The following PCDHGA9 variants were observed in gnomAD, a reference collection of about 807,000 sequenced individuals.
The protein encoded by PCDHGA9 is protocadherin gamma-A9.
A neutral mutation model predicts 62.5 loss-of-function variants in PCDHGA9; 37 were observed. The ratio of observed to expected loss-of-function variants is 0.59; its 90% confidence interval spans 0.46 to 0.78. The LOEUF (loss-of-function observed/expected upper bound fraction) is 0.78. Among genes scored for constraint, PCDHGA9 ranks in the 30% least tolerant of loss-of-function variants. The pLI, the probability that PCDHGA9 is intolerant of heterozygous loss-of-function variation, is 0.00. For missense variants in PCDHGA9, 1,138 were observed against 1,166.2 expected (o/e 0.98, Z 0.35); for synonymous variants, 459 against 484.6 (o/e 0.95, Z 0.69).
chr5:141,408,131 G>C, intron 1 of PCDHGA9: 1 of 1,482,338 alleles, frequency 6.7e-7, no homozygotes, highest in South Asian at 1.4e-5. Flanking sequence ...TGGGCCGAAT[G>C]CTCTTTTAGC....
chr5:141,494,048 G>C (rs764072099), intron 1 of PCDHGA9, among the ~76,000 whole-genome samples: 3 of 152,148 alleles, frequency 2.0e-5, no homozygotes, highest in Non-Finnish European at 2.9e-5. Flanking sequence ...GGCCCTGCTT[G>C]GAGGCTGTGG....
chr5:141,410,251 C>T, intron 1 of PCDHGA9: 1 of 1,614,016 alleles, frequency 6.2e-7, no homozygotes, highest in Non-Finnish European at 8.5e-7. Flanking sequence ...TACTCTCTGA[C>T]CCCCAGGCTG....
intron 1 of PCDHGA9, chr5:141,414,883 G>T: frequency 6.2e-7 from 1 of 1,614,176 alleles, no homozygotes; most frequent in Non-Finnish European, 8.5e-7. Context: ...CCTGTACCCC[G>T]CCCTCCCCAC....
intron 1 of PCDHGA9, among the ~76,000 whole-genome samples, chr5:141,457,938 G>A (rs915640623): frequency 6.6e-6 from 1 of 152,160 alleles, no homozygotes; most frequent in African/African-American, 2.4e-5. Flanking sequence ...GCTTTTATTG[G>A]CTCTGCATGT....
chr5:141,473,117 C>A (rs976493841), intron 1 of PCDHGA9, among the ~76,000 whole-genome samples: 4 of 152,140 alleles, frequency 2.6e-5, no homozygotes, highest in Admixed American at 1.3e-4. Flanking sequence ...CTTTACTTGG[C>A]TCTTTGGCAA....
chr5:141,505,520 C>T, intron 3 of PCDHGA9, 39 bp downstream of exon 3: 1 of 1,612,650 alleles, frequency 6.2e-7, no homozygotes, highest in Non-Finnish European at 8.5e-7. Flanking sequence ...AGTGGGAGAC[C>T]TGGGGTTCTG....
chr5:141,482,546 A>G (rs1489817593), intron 1 of PCDHGA9, among the ~76,000 whole-genome samples: 1 of 151,868 alleles, frequency 6.6e-6, no homozygotes, highest in Non-Finnish European at 1.5e-5. Context: ...AAAAAAAAAA[A>G]AAAGATAATG....
intron 1 of PCDHGA9, chr5:141,421,914 T>C: frequency 4.3e-6 from 7 of 1,613,742 alleles, no homozygotes; most frequent in Non-Finnish European, 5.9e-6. Flanking sequence ...CAGTTCCCAT[T>C]CGTGTGGTGG....
At position 141,486,671 on chromosome 5, in the gene PCDHGA9, C is replaced by G. The variant is rs1307620045; in HGVS notation, c.2425-8136C>G. 24 of 1,613,926 alleles carry G rather than the reference C, an allele frequency of 1.5e-5. No homozygotes were observed. The highest frequency in any genetic ancestry group is 2.7e-5 in the African/African-American group (2 of 74,932). Reference sequence around the variant, plus strand: ...CTACTCACTCCTGGAGCCCAGGAATCGAGATGTATCAGCTTCCTCTTTCAT... The same window carrying G: ...CTACTCACTCCTGGAGCCCAGGAATGGAGATGTATCAGCTTCCTCTTTCAT... On this transcript the variant is annotated intron_variant, in intron 1 of 3. Transcript: ENST00000573521. The surrounding 1 kb of genome is among the most constrained non-coding windows in gnomAD (Gnocchi z 5.0).
At chr5:141,454,311 T>C (rs755771201) in intron 1 of PCDHGA9, among the ~76,000 whole-genome samples, 1 of 152,216 alleles carries the variant, frequency 6.6e-6, no homozygotes, top group Non-Finnish European at 1.5e-5. Context: ...TTTCAAAGCA[T>C]TGAAACCTCC....
chr5:141,431,965 T>C lies in PCDHGA9; in HGVS notation c.2424+26589T>C, dbSNP rs765281339. The C allele has an allele frequency of 4.0e-5, 64 of 1,614,098 alleles. No homozygotes were observed. In the East Asian group the frequency reaches 4.9e-4, roughly 12 times the overall value. On this transcript the variant is annotated intron_variant, in intron 1 of 3. Transcript: ENST00000573521. This position sits in a 1 kb window ranked among gnomAD's most constrained non-coding sequence, Gnocchi z 4.8. Reference sequence around the variant, plus strand: ...TAGAAAAATCTTACGGAAATTACTATAGTTTAGTCACAGACATAGTCTTGG... The same window carrying C: ...TAGAAAAATCTTACGGAAATTACTACAGTTTAGTCACAGACATAGTCTTGG...
chr5:141,408,346 G>T (rs1248648378), intron 1 of PCDHGA9: 1 of 1,613,824 alleles, frequency 6.2e-7, no homozygotes, highest in African/African-American at 1.3e-5. Context: ...CGGTGGTGGG[G>T]AACCTCGCTA....
chr5:141,489,381 T>A lies in PCDHGA9; in HGVS notation c.2425-5426T>A. 1 of 1,613,894 alleles carries A rather than the reference T, an allele frequency of 6.2e-7. No homozygotes were observed. The highest frequency in any genetic ancestry group is 8.5e-7 in the Non-Finnish European group (1 of 1,179,802). ...CTGAGCCGGGGACGCTGGTGGGGAATGTTGCTCAGGATCTGGGCTTAAAGA... is the reference window on the plus strand; with the variant it reads ...CTGAGCCGGGGACGCTGGTGGGGAAAGTTGCTCAGGATCTGGGCTTAAAGA... On this transcript the variant is annotated intron_variant, in intron 1 of 3. Transcript: ENST00000573521. The surrounding 1 kb of genome is among the most constrained non-coding windows in gnomAD (Gnocchi z 4.5).
At chr5:141,413,129 A>G in intron 1 of PCDHGA9, 2 of 1,536,352 alleles carry the variant, frequency 1.3e-6, no homozygotes, top group East Asian at 2.3e-5. Context: ...GTTGAAACAC[A>G]CAACGTGTCC....
chr5:141,427,896 C>G, intron 1 of PCDHGA9: 1 of 1,570,508 alleles, frequency 6.4e-7, no homozygotes, highest in East Asian at 2.2e-5. Context: ...CCAGGGCTCG[C>G]CCGCGCTCAG....
rs772195653 is a variant in PCDHGA9 at position 141,477,704 on chromosome 5, C to A, written c.2425-17103C>A. On this transcript the variant is annotated intron_variant, in intron 1 of 3. Transcript: ENST00000573521. The surrounding 1 kb of genome is among the most constrained non-coding windows in gnomAD (Gnocchi z 4.9). ...CTTAGTGCCCCTAGACTATGAGGAT[C>A]GGCGGGAATTTGAATTAACAGCTCA... The A allele has an allele frequency of 5.0e-6, 8 of 1,613,850 alleles. No individual in the cohort carries two copies. Among genetic ancestry groups the A allele is most frequent in the Non-Finnish European group, 5.9e-6 (7 of 1,180,046 alleles).
Position 141,415,348 on chromosome 5 carries a change from A to G in PCDHGA9, c.2424+9972A>G, listed in dbSNP as rs561851810. ...GGCGCACAGGCTGCGGCGCTGGCAC[A>G]AGTCACGCCTGCTGCAGGCTTCAGG... On this transcript the variant is annotated intron_variant, in intron 1 of 3. Transcript: ENST00000573521. The G allele has an allele frequency of 3.1e-6, 5 of 1,614,222 alleles. 1 individual carries two copies. The highest frequency in any genetic ancestry group is 1.6e-4 in the Middle Eastern group (1 of 6,062).
Position 141,408,446 on chromosome 5 carries a change from G to A in PCDHGA9, c.2424+3070G>A, listed in dbSNP as rs371079756. 1.7e-5 allele frequency: 28 copies of A among 1,613,946 alleles called. No individual in the cohort carries two copies. Among genetic ancestry groups the A allele is most frequent in the Non-Finnish European group, 1.1e-5 (13 of 1,179,916 alleles). On this transcript the variant is annotated intron_variant, in intron 1 of 3. Transcript: ENST00000573521. ...GCACTTCAGCGTAGACGCGGAGAGC[G>A]GGGACTTACTTGTGAAGAACCGAAT...
chr5:141,421,860 C>T (rs759779291), intron 1 of PCDHGA9: 1 of 1,613,750 alleles, frequency 6.2e-7, no homozygotes. Flanking sequence ...CTCACCTGCT[C>T]CTCCTCACAG....
Sources: allele counts gnomAD v4.1 joint callset (sites outside exome capture counted in the v4.1 genomes callset), GRCh38; gene constraint gnomAD v4.1.1; non-coding constraint Gnocchi (gnomAD v3.1); transcripts MANE v1.5; gene names NCBI Gene and HGNC (gene_info 2026-07-23, HGNC 2026-07-21).